Variants in FAM20A observed in about 807,000 individuals in gnomAD.
The protein encoded by FAM20A is FAM20A golgi associated secretory pathway pseudokinase.
FAM20A carries 42 observed loss-of-function variants against 52.0 expected under a neutral mutation model. The observed-to-expected ratio is 0.81, with a 90% CI of 0.63 to 1.04. The LOEUF (loss-of-function observed/expected upper bound fraction) is 1.04. Among genes scored for constraint, FAM20A ranks in the 50% least tolerant of loss-of-function variants. FAM20A has a pLI of 0.00. For missense variants in FAM20A, 742 were observed against 712.7 expected (o/e 1.04, Z -0.47); for synonymous variants, 304 against 298.9 (o/e 1.02, Z -0.18).
In FAM20A at chr17:68,539,918, T is replaced by A; in HGVS notation, c.1268A>T (p.Asp423Val). ...HYEMFTKFGDDGFLIHLDNAR... is the reference protein window; with the variant it reads ...HYEMFTKFGDVGFLIHLDNAR... ...GTTGTCAAGGTGAATAAGGAACCCATCATCCCCGAACTTGGTGAACATCTC... is the reference window on the plus strand; with the variant it reads ...GTTGTCAAGGTGAATAAGGAACCCAACATCCCCGAACTTGGTGAACATCTC... The change falls in exon 9 of 11, where the codon GAT (aspartate) becomes GTT (valine). Residue 423 changes from aspartate (D) to valine (V), a missense_variant. Asp to Val is a radical substitution (Grantham distance 152). Coordinates refer to ENST00000592554, the MANE Select transcript of FAM20A (RefSeq NM_017565.4). 6.2e-7 allele frequency: 1 copy of A among 1,614,150 alleles called. No homozygotes were observed. Among genetic ancestry groups the A allele is most frequent in the Non-Finnish European group, 8.5e-7 (1 of 1,180,028 alleles).
chr17:68,560,375 C>T (rs1247619422), intron 1 of FAM20A, among the ~76,000 whole-genome samples: 2 of 151,178 alleles, frequency 1.3e-5, no homozygotes, highest in Non-Finnish European at 2.9e-5. Context: ...TTTCGGAATG[C>T]TATCTCATCT....
At chr17:68,552,563 G>A (rs1300106168) in intron 3 of FAM20A, among the ~76,000 whole-genome samples, 1 of 151,964 alleles carries the variant, frequency 6.6e-6, no homozygotes, top group African/African-American at 2.4e-5. Context: ...TGGTTCTGGA[G>A]GGTCAGGACA....
In FAM20A at chr17:68,537,187, G is replaced by A. The variant is rs1364437023; in HGVS notation, c.*290C>T. 1.7e-6 allele frequency: 1 copy of A among 586,824 alleles called. No individual in the cohort carries two copies. Among genetic ancestry groups the A allele is most frequent in the Admixed American group, 2.2e-5 (1 of 46,504 alleles). 36.4% of individuals were successfully genotyped at this position (586,824 alleles called of 1,614,324 possible). The stretch of plus-strand genomic sequence containing the variant: ...ACTCTCCTGGGATCAAGGCTGCCAA[G>A]CCTGACCTATACCCAGATTTCCCAG... On this transcript the variant is annotated 3_prime_UTR_variant, in exon 11 of 11. Coordinates refer to ENST00000592554, the MANE Select transcript of FAM20A (RefSeq NM_017565.4). The surrounding 1 kb of genome is among the most constrained non-coding windows in gnomAD (Gnocchi z 4.2).
chr17:68,556,145 CAGTATTTTATGTTCCAA>C (rs1221027337), intron 1 of FAM20A, among the ~76,000 whole-genome samples: 3 of 152,086 alleles, frequency 2.0e-5, no homozygotes, highest in African/African-American at 7.2e-5. Context: ...TTACATTTCC[CAGTATTTTATGTTCCAA>C]AGAATCAGAA....
At chr17:68,539,215 G>T in intron 10 of FAM20A, 122 bp downstream of exon 10, 1 of 874,396 alleles carries the variant, frequency 1.1e-6, no homozygotes, top group Non-Finnish European at 1.9e-6. Context: ...GGTGATTCAT[G>T]TCATTCTACC....
chr17:68,588,648 G>A (rs1448796158), intron 1 of FAM20A, among the ~76,000 whole-genome samples: 1 of 152,220 alleles, frequency 6.6e-6, no homozygotes, highest in Non-Finnish European at 1.5e-5. Flanking sequence ...CTATGTGCAT[G>A]AGTTCCTTGT....
At chr17:68,574,759 G>T (rs952927847) in intron 1 of FAM20A, among the ~76,000 whole-genome samples, 2 of 152,112 alleles carry the variant, frequency 1.3e-5, no homozygotes, top group African/African-American at 4.8e-5. Flanking sequence ...CCCTAGGATG[G>T]TCCCTGGGGT....
At chr17:68,593,342 G>T (rs1414616419) in intron 1 of FAM20A, among the ~76,000 whole-genome samples, 2 of 152,194 alleles carry the variant, frequency 1.3e-5, no homozygotes, top group African/African-American at 4.8e-5. Context: ...CTAAATCAAG[G>T]TCTCTGTATT....
chr17:68,540,933 C>G lies in FAM20A; in HGVS notation c.1135G>C (p.Asp379His), dbSNP rs751908610. ...EEWEVNPLYCDTVKQIYPYNN... is the reference protein window; with the variant it reads ...EEWEVNPLYCHTVKQIYPYNN... ...TACGGGTAGATCTGTTTCACTGTGT[C>G]ACAGTAAAGGGGATTGACCTCCCAC... Residue 379 changes from aspartate to histidine, a missense_variant, in exon 8 of 11, where the codon GAC becomes CAC. Asp to His is a moderately conservative substitution (Grantham distance 81). Coordinates refer to ENST00000592554, the MANE Select transcript of FAM20A (RefSeq NM_017565.4). The G allele has an allele frequency of 8.8e-6, 14 of 1,597,370 alleles. No homozygotes were observed. Among genetic ancestry groups the G allele is most frequent in the Non-Finnish European group, 1.2e-5 (14 of 1,171,308 alleles).
chr17:68,544,917 G>A (rs77868993), intron 4 of FAM20A, among the ~76,000 whole-genome samples: 63 of 152,126 alleles, frequency 4.1e-4, no homozygotes, highest in African/African-American at 1.4e-3. Context: ...AAATTCAAAG[G>A]TTGTTTTTAC....
intron 4 of FAM20A, chr17:68,551,000 G>A: frequency 9.0e-7 from 1 of 1,110,592 alleles, no homozygotes; most frequent in Non-Finnish European, 1.1e-6. Context: ...CAGTCTAATT[G>A]TATTCCACTG....
intron 10 of FAM20A, among the ~76,000 whole-genome samples, chr17:68,538,918 A>G (rs1047770365): frequency 2.6e-5 from 4 of 152,180 alleles, no homozygotes; most frequent in Non-Finnish European, 5.9e-5. Context: ...GTTCTGAGAA[A>G]TGTATCCTTA....
intron 5 of FAM20A, among the ~76,000 whole-genome samples, chr17:68,543,107 C>T (rs947456458): frequency 6.6e-6 from 1 of 152,102 alleles, no homozygotes; most frequent in Non-Finnish European, 1.5e-5. Flanking sequence ...TTTTAATGTT[C>T]CTGTGAGTCA....
At chr17:68,543,059 C>A (rs1336460317) in intron 5 of FAM20A, among the ~76,000 whole-genome samples, 1 of 152,166 alleles carries the variant, frequency 6.6e-6, no homozygotes, top group East Asian at 1.9e-4. Flanking sequence ...CAAACCTTCC[C>A]ACCATCCCAA....
intron 1 of FAM20A, among the ~76,000 whole-genome samples, chr17:68,594,163 G>A (rs1301098947): frequency 6.6e-6 from 1 of 152,230 alleles, no homozygotes; most frequent in African/African-American, 2.4e-5. Flanking sequence ...TGTAATCCCA[G>A]CACTTTGGGA....
chr17:68,599,011 CACTT>C (rs376343101), intron 1 of FAM20A, among the ~76,000 whole-genome samples: 336 of 152,298 alleles, frequency 2.2e-3, no homozygotes, highest in African/African-American at 7.1e-3. Context: ...AATTGAGAAT[CACTT>C]TCTTTCTAAC....
intron 1 of FAM20A, among the ~76,000 whole-genome samples, chr17:68,561,227 G>GT (rs2087202542): frequency 6.6e-6 from 1 of 152,132 alleles, no homozygotes; most frequent in African/African-American, 2.4e-5. Context: ...ACAAGAATAA[G>GT]AAACCAAACC....
rs140248708 is a variant in FAM20A at position 68,537,815 on chromosome 17, A to G, written c.1362-74T>C. On this transcript the variant is annotated intron_variant, in intron 10 of 10. Coordinates refer to ENST00000592554, the MANE Select transcript of FAM20A (RefSeq NM_017565.4). The surrounding 1 kb of genome is among the most constrained non-coding windows in gnomAD (Gnocchi z 4.2). ...AACTTGCCTGAACTTCTTTCCCCAC[A>G]AACAGCTGTTGTAGCTGATACTCTT... 2.7e-6 allele frequency: 4 copies of G among 1,506,536 alleles called. No individual in the cohort carries two copies. In the East Asian group the frequency reaches 9.8e-5, roughly 37 times the overall value. 93.3% of individuals were successfully genotyped at this position (1,506,536 alleles called of 1,614,324 possible). A position where few individuals can be genotyped will look rare whatever the true frequency, so the allele number is the denominator to read the frequency against.
At chr17:68,549,316 G>A (rs1167562502) in intron 4 of FAM20A, among the ~76,000 whole-genome samples, 1 of 152,054 alleles carries the variant, frequency 6.6e-6, no homozygotes, top group East Asian at 1.9e-4. Context: ...CCAACGTGGT[G>A]AAACCCTGTC....
Sources: gnomAD v4.1 joint callset for allele counts (sites outside exome capture counted in the v4.1 genomes callset) on GRCh38, gnomAD v4.1.1 for gene constraint, Gnocchi (gnomAD v3.1) non-coding constraint, MANE v1.5 for transcripts, NCBI Gene and HGNC (gene_info 2026-07-23, HGNC 2026-07-21) for gene names.